SCHIP1: variants seen among roughly 807,000 people sequenced by gnomAD.
SCHIP1 encodes the protein schwannomin-interacting protein 1.
In SCHIP1, 8 loss-of-function variants were observed where a neutral mutation model predicts 29.7. That is an observed-to-expected ratio of 0.27 (90% confidence interval 0.16 to 0.49). SCHIP1 has a LOEUF of 0.49. Among genes scored for constraint, SCHIP1 ranks in the 20% least tolerant of loss-of-function variants. The pLI, the probability that SCHIP1 is intolerant of heterozygous loss-of-function variation, is 0.99. For missense variants in SCHIP1, 193 were observed against 294.6 expected (o/e 0.66, Z 2.52); for synonymous variants, 76 against 94.9 (o/e 0.80, Z 1.16).
At chr3:159,645,255 TC>T in the SCHIP1 span, among the ~76,000 whole-genome samples, 1 of 152,004 alleles carries the variant, frequency 6.6e-6, no homozygotes, top group Non-Finnish European at 1.5e-5. Context: ...GAACACCTCC[TC>T]CCCCAGGCTT....
At chr3:159,511,782 TATTG>T in the SCHIP1 span, among the ~76,000 whole-genome samples, 3 of 152,238 alleles carry the variant, frequency 2.0e-5, no homozygotes, top group South Asian at 2.1e-4. Context: ...TTTTTAAGAC[TATTG>T]ATTTTCTAGA....
chr3:159,442,156 T>C, the SCHIP1 span, among the ~76,000 whole-genome samples: 4 of 152,176 alleles, frequency 2.6e-5, no homozygotes, highest in Non-Finnish European at 5.9e-5. Context: ...TTTTGAGCTG[T>C]ATCAGCCAGG....
chr3:159,325,640 T>C, the SCHIP1 span, among the ~76,000 whole-genome samples: 3 of 152,202 alleles, frequency 2.0e-5, no homozygotes, highest in Non-Finnish European at 2.9e-5. Flanking sequence ...TTTATACTCA[T>C]TATTTCTTCC....
the SCHIP1 span, among the ~76,000 whole-genome samples, chr3:159,385,343 A>T: frequency 4.5e-4 from 69 of 152,022 alleles, no homozygotes; most frequent in African/African-American, 1.5e-3. Context: ...AGATCAGTTG[A>T]GGCCAGGAGT....
At chr3:159,509,513 A>G in the SCHIP1 span, among the ~76,000 whole-genome samples, 1 of 152,140 alleles carries the variant, frequency 6.6e-6, no homozygotes, top group East Asian at 1.9e-4. Context: ...TGTCATTATG[A>G]TGTTAGCTGG....
At chr3:159,766,838 G>T in the SCHIP1 span, among the ~76,000 whole-genome samples, 1 of 152,144 alleles carries the variant, frequency 6.6e-6, no homozygotes, top group Admixed American at 6.5e-5. Flanking sequence ...CTTAAAATTT[G>T]ATGGCTTACC....
the SCHIP1 span, among the ~76,000 whole-genome samples, chr3:159,698,282 A>G: frequency 2.6e-5 from 4 of 152,250 alleles, no homozygotes; most frequent in Non-Finnish European, 5.9e-5. Context: ...CCTACTCTTC[A>G]AAGAAAGGAT....
At chr3:159,480,029 A>G in the SCHIP1 span, among the ~76,000 whole-genome samples, 1 of 152,180 alleles carries the variant, frequency 6.6e-6, no homozygotes, top group Non-Finnish European at 1.5e-5. Context: ...ATTCTCATGT[A>G]GACCATTTGA....
chr3:159,892,357 TG>T (rs1490501899), intron 6 of SCHIP1, 167 bp downstream of exon 7: 2 of 724,264 alleles, frequency 2.8e-6, no homozygotes, highest in Non-Finnish European at 4.6e-6. Flanking sequence ...AGAATTCCAT[TG>T]TCCTTACCAA....
the SCHIP1 span, among the ~76,000 whole-genome samples, chr3:159,695,422 A>T: frequency 6.6e-6 from 1 of 152,068 alleles, no homozygotes; most frequent in Non-Finnish European, 1.5e-5. Flanking sequence ...TCGCCACTTG[A>T]TTCCCACTGT....
chr3:159,592,614 G>A, the SCHIP1 span, among the ~76,000 whole-genome samples: 1 of 151,724 alleles, frequency 6.6e-6, no homozygotes, highest in East Asian at 2.0e-4. Context: ...GTAGTTGGAG[G>A]ACTCCTTCAC....
the SCHIP1 span, among the ~76,000 whole-genome samples, chr3:159,775,696 G>A: frequency 9.2e-5 from 14 of 152,236 alleles, no homozygotes; most frequent in Non-Finnish European, 1.8e-4. Flanking sequence ...AGCTGTGCCA[G>A]TGTTGGCCTG....
chr3:159,623,765 C>A, the SCHIP1 span, among the ~76,000 whole-genome samples: 1 of 151,298 alleles, frequency 6.6e-6, no homozygotes, highest in East Asian at 1.9e-4. Flanking sequence ...TAAAAGAATC[C>A]TGCAGAGAGA....
chr3:159,312,358 T>G, the SCHIP1 span, among the ~76,000 whole-genome samples: 1 of 151,988 alleles, frequency 6.6e-6, no homozygotes, highest in Non-Finnish European at 1.5e-5. Flanking sequence ...CAGACAAAGG[T>G]TCCCTTCTTT....
the SCHIP1 span, among the ~76,000 whole-genome samples, chr3:159,314,561 C>T: frequency 9.2e-5 from 14 of 152,114 alleles, no homozygotes; most frequent in Non-Finnish European, 1.8e-4. Flanking sequence ...GATAGTTCAC[C>T]TTCTACCTCT....
At chr3:159,533,197 G>A in the SCHIP1 span, among the ~76,000 whole-genome samples, 2 of 152,194 alleles carry the variant, frequency 1.3e-5, no homozygotes, top group Non-Finnish European at 2.9e-5. Flanking sequence ...GTGGGTCAGA[G>A]GAAGTCTGAG....
chr3:159,635,425 T>C, the SCHIP1 span, among the ~76,000 whole-genome samples: 2 of 152,192 alleles, frequency 1.3e-5, no homozygotes, highest in Non-Finnish European at 2.9e-5. Flanking sequence ...AGTATTTTAG[T>C]GTTTTGACCA....
At chr3:159,399,026 A>C in the SCHIP1 span, 3 of 748,724 alleles carry the variant, frequency 4.0e-6, no homozygotes, top group South Asian at 1.2e-4. Context: ...TCTAGTGCCC[A>C]CCCCAAACCC....
rs189010015 is a variant in SCHIP1, at chr3:159,842,076, G to A, written c.30+1862G>A. 3.0e-3 allele frequency among the ~76,000 whole-genome samples: 451 copies of A among 152,222 alleles called. 2 individuals are homozygous for A. Among genetic ancestry groups the A allele is most frequent in the African/African-American group, 0.011 (439 of 41,538 alleles). ...GGTGCTTTCTTGAAGTCCTTAGCTT[G>A]ATGTTTGTAGTCACTGATGATATCT... On this transcript the variant is annotated intron_variant, in intron 1 of 6. Transcript: ENST00000445224.
Sources: gnomAD v4.1 joint callset for allele counts (sites outside exome capture counted in the v4.1 genomes callset) on GRCh38, gnomAD v4.1.1 for gene constraint, MANE v1.5 for transcripts, NCBI Gene and HGNC (gene_info 2026-07-23, HGNC 2026-07-21) for gene names.